SLC25A41: variants seen among roughly 807,000 people sequenced by gnomAD.
SLC25A41 encodes the protein mitochondrial carrier protein SCaMC-3L.
Under a neutral mutation model 34.7 loss-of-function variants are expected in SLC25A41, and 35 were observed. That is an observed-to-expected ratio of 1.01 (90% CI 0.77 to 1.34). The LOEUF (loss-of-function observed/expected upper bound fraction) is 1.34. SLC25A41 is among the 40% of genes most tolerant of loss of function. SLC25A41 has a pLI of 0.00. For synonymous variants in SLC25A41, 190 were observed against 209.9 expected, an observed-to-expected ratio of 0.91 and a Z score of 0.82; for missense variants, 492 against 489.8, an observed-to-expected ratio of 1.00 and a Z score of -0.04.
At position 6,429,787 on chromosome 19, in the gene SLC25A41, C is replaced by T; in HGVS notation, c.561G>A (p.Gln187=). The T allele has an allele frequency of 1.9e-6, 3 of 1,610,878 alleles. No homozygotes were observed. The highest frequency in any genetic ancestry group is 2.5e-6 in the Non-Finnish European group (3 of 1,178,724). ...FCGIQGSPPF[Q]ERLLAGSLAV... is the part of the protein sequence containing the mutation. ...CCAGGGAGCCAGCAAGGAGACGCTC[C>T]TGGAAGGGCGGGGACCCTTGTATTC... The change falls in exon 4 of 7, where the codon CAG becomes CAA. Residue 187 remains glutamine, a synonymous_variant. Transcript: ENST00000321510.
In SLC25A41 at chr19:6,432,106, G is replaced by A. The variant is rs1175336165; in HGVS notation, c.306C>T (p.Ala102=). ...CCGTGCCCGTGCGAGACACCGCCCC[G>A]GCCATAGCTCCTGAGAGTAGAAACT... ...LWKFLLSGAM[A]GAVSRTGTAP... The change falls in exon 2 of 7, where the codon GCC becomes GCT. Residue 102 remains alanine, a synonymous_variant. Transcript: ENST00000321510. The A allele has an allele frequency of 9.3e-6, 15 of 1,613,728 alleles. No individual in the cohort carries two copies. Among genetic ancestry groups the A allele is most frequent in the East Asian group, 2.2e-5 (1 of 44,884 alleles).
chr19:6,429,460 G>GGGAGGAGGAGGAAGAAAGGAGGGGA (rs759522235), intron 4 of SLC25A41, among the ~76,000 whole-genome samples: 1 of 102,568 alleles, frequency 9.7e-6, no homozygotes, highest in Non-Finnish European at 2.1e-5. Context: ...AAGAAAGGAG[G>GGGAGGAGGAGGAAGAAAGGAGGGGA]GGAGGAGGAG....
chr19:6,436,108 G>A (rs2144680007), upstream of SLC25A41: 1 of 217,374 alleles, frequency 4.6e-6, no homozygotes, highest in South Asian at 7.2e-5. Flanking sequence ...GTATTAGCCA[G>A]CTGTTGCCAT....
chr19:6,429,560 G>T (rs1227248791), intron 4 of SLC25A41, among the ~76,000 whole-genome samples, 164 bp downstream of exon 4: 9 of 115,292 alleles, frequency 7.8e-5, no homozygotes, highest in Admixed American at 8.7e-5. Flanking sequence ...GAGAAAGGAG[G>T]AGGGGAGACA....
Position 6,427,620 on chromosome 19 carries a change from G to T in SLC25A41, c.625-119C>A. The T allele has an allele frequency of 8.7e-7, 1 of 1,155,180 alleles. No homozygotes were observed. Among genetic ancestry groups the T allele is most frequent in the Non-Finnish European group, 1.2e-6 (1 of 858,508 alleles). The allele number at this position is 1,155,180 out of a possible 1,614,324, so 71.6% of individuals were successfully genotyped here. ...TGAGGCTCAGGAAGGCAAAGAGCTG[G>T]GTTTCAGACCCGGATCTGTCAGATT... is the stretch of plus-strand genomic sequence containing the variant. On this transcript the variant is annotated intron_variant, in intron 4 of 6. Transcript: ENST00000321510. This position sits in a 1 kb window ranked among gnomAD's most constrained non-coding sequence, Gnocchi z 4.9.
chr19:6,429,838 G>T lies in SLC25A41; in HGVS notation c.517-7C>A, dbSNP rs759815816. 6.2e-6 allele frequency: 10 copies of T among 1,609,992 alleles called. No homozygotes were observed. Among genetic ancestry groups the T allele is most frequent in the Middle Eastern group, 1.6e-4 (1 of 6,062 alleles). ...CACAGAAGTAATTCTTGCACTGGGA[G>T]AGGAGAGAGGAGGGTGAGAGAGAAG... On this transcript the variant is annotated splice_polypyrimidine_tract_variant and splice_region_variant and intron_variant, in intron 3 of 6. Transcript: ENST00000321510.
At chr19:6,426,632 G>T in intron 6 of SLC25A41, 71 bp from the exon 7 acceptor site, 1 of 1,553,830 alleles carries the variant, frequency 6.4e-7, no homozygotes, top group Non-Finnish European at 8.7e-7. Flanking sequence ...GGAATGTTGC[G>T]GACAGGTGCT....
At chr19:6,430,272 A>G (rs1173846076) in intron 2 of SLC25A41, 111 bp from the exon 3 acceptor site, 10 of 1,138,518 alleles carry the variant, frequency 8.8e-6, no homozygotes, top group African/African-American at 2.1e-5. Flanking sequence ...ACCCCAACCC[A>G]TCCCCATCCC....
At chr19:6,430,478 T>G (rs2092280801) in intron 2 of SLC25A41, 29 of 464,220 alleles carry the variant, frequency 6.2e-5, no homozygotes, top group Non-Finnish European at 5.9e-5. Context: ...CCTTCCTCCG[T>G]TCCTCCCTTC....
intron 4 of SLC25A41, among the ~76,000 whole-genome samples, chr19:6,429,476 AGAGGAGGGGAGGAGGAGGGAGAAAG>A (rs1394477500): frequency 1.8e-4 from 8 of 44,466 alleles, no homozygotes; most frequent in Admixed American, 8.4e-4. Flanking sequence ...AGGAGAGGAA[AGAGGAGGGGAGGAGGAGGGAGAAAG>A]GAGGAGGAGG....
At chr19:6,430,556 C>A (rs1294392836) in intron 2 of SLC25A41, 20 of 376,780 alleles carry the variant, frequency 5.3e-5, no homozygotes, top group Non-Finnish European at 7.1e-5. Context: ...CGGGGGATCT[C>A]GGCTCACTGC....
chr19:6,429,071 TATA>T lies in SLC25A41; in HGVS notation c.624+650_624+652del, dbSNP rs2092260884. Among the ~76,000 whole-genome samples, 5 of 65,108 alleles carry T rather than the reference TATA, an allele frequency of 7.7e-5. 2 individuals are homozygous for T. The highest frequency in any genetic ancestry group is 4.0e-4 in the African/African-American group (5 of 12,504). The allele number at this position is 65,108 out of a possible 152,430, so 42.7% of individuals were successfully genotyped here. On this transcript the variant is annotated intron_variant, in intron 4 of 6. Coordinates refer to ENST00000321510, the MANE Select transcript of SLC25A41 (RefSeq NM_173637.4). ...ATATTATATATATGTTATATATATATATAATATATATATTATATATATGTTACA... is the reference window on the plus strand; with the variant it reads ...ATATTATATATATGTTATATATATATATATATATATTATATATATGTTACA...
At chr19:6,431,148 A>ATTAG (rs1599258820) in intron 2 of SLC25A41, among the ~76,000 whole-genome samples, 2 of 151,600 alleles carry the variant, frequency 1.3e-5, no homozygotes, top group Non-Finnish European at 2.9e-5. Context: ...TAATTAATTA[A>ATTAG]TTATTATTTT....
chr19:6,432,693 C>T (rs928337994), intron 1 of SLC25A41, among the ~76,000 whole-genome samples: 2 of 151,498 alleles, frequency 1.3e-5, no homozygotes, highest in South Asian at 2.1e-4. Context: ...CTGGTTCAAG[C>T]GATTCTCGTG....
At chr19:6,429,162 A>ATG (rs1270336421) in intron 4 of SLC25A41, among the ~76,000 whole-genome samples, 1,149 of 14,298 alleles carry the variant, frequency 0.08, 384 homozygotes, top group Admixed American at 0.21. Context: ...TATTATATAT[A>ATG]TAATATATAT....
At chr19:6,431,410 G>C (rs1033411077) in intron 2 of SLC25A41, among the ~76,000 whole-genome samples, 1 of 151,392 alleles carries the variant, frequency 6.6e-6, no homozygotes, top group African/African-American at 2.4e-5. Flanking sequence ...TATCCTGCTT[G>C]AGGTAGCTCC....
intron 2 of SLC25A41, chr19:6,430,526 C>T (rs1461113023): frequency 1.3e-5 from 5 of 392,466 alleles, no homozygotes; most frequent in African/African-American, 2.3e-5. Context: ...CTCACTCTGT[C>T]GCCCAGGCTG....
intron 6 of SLC25A41, 98 bp from the exon 7 acceptor site, chr19:6,426,659 G>A: frequency 7.3e-7 from 1 of 1,363,834 alleles, no homozygotes; most frequent in Non-Finnish European, 1.0e-6. Flanking sequence ...ACGGGTAGGG[G>A]CCCCAGGGGT....
chr19:6,429,696 C>G, intron 4 of SLC25A41, 28 bp downstream of exon 4: 1 of 1,522,246 alleles, frequency 6.6e-7, no homozygotes, highest in Non-Finnish European at 8.8e-7. Flanking sequence ...ACGGCGTTTC[C>G]TCACCTGCGG....
Sources: gnomAD v4.1 joint callset for allele counts (sites outside exome capture counted in the v4.1 genomes callset) on GRCh38, gnomAD v4.1.1 for gene constraint, Gnocchi (gnomAD v3.1) non-coding constraint, MANE v1.5 for transcripts, NCBI Gene and HGNC (gene_info 2026-07-23, HGNC 2026-07-21) for gene names.